Variants in TRAPPC9 observed in about 807,000 individuals in gnomAD.
TRAPPC9 encodes the protein trafficking protein particle complex subunit 9.
TRAPPC9 carries 83 observed loss-of-function variants against 124.0 expected under a neutral mutation model. That is an observed-to-expected ratio of 0.67 (90% CI 0.56 to 0.80). The LOEUF is 0.80. TRAPPC9 is among the 30% of genes least tolerant of loss of function. TRAPPC9 has a pLI of 0.00. For missense variants in TRAPPC9, 1,302 were observed against 1,508.3 expected, an observed-to-expected ratio of 0.86 and a Z score of 2.27; for synonymous variants, 638 against 617.5, an observed-to-expected ratio of 1.03 and a Z score of -0.49.
intron 21 of TRAPPC9, among the ~76,000 whole-genome samples, chr8:139,736,895 C>A (rs955778897): frequency 2.0e-5 from 3 of 152,202 alleles, no homozygotes; most frequent in Non-Finnish European, 2.9e-5. Context: ...CCACTCTCCA[C>A]AGCCACCCTG....
chr8:139,875,491 A>G (rs1397043540), intron 21 of TRAPPC9, among the ~76,000 whole-genome samples: 1 of 152,156 alleles, frequency 6.6e-6, no homozygotes, highest in Non-Finnish European at 1.5e-5. Flanking sequence ...TCCCCCTTCA[A>G]AAAGAAGGTA....
intron 17 of TRAPPC9, among the ~76,000 whole-genome samples, chr8:140,114,332 G>GAAGA (rs2060838111): frequency 8.5e-6 from 1 of 117,052 alleles, no homozygotes. Flanking sequence ...AAGGACTGAA[G>GAAGA]AAAAAAAAAA....
In TRAPPC9 at chr8:139,746,868, A is replaced by T. The variant is rs77775538; in HGVS notation, c.3056-14666T>A. On this transcript the variant is annotated intron_variant, in intron 21 of 22. Coordinates refer to ENST00000438773, the MANE Select transcript of TRAPPC9 (RefSeq NM_001160372.4). Reference sequence around the variant, plus strand: ...GGCCTCTAGTCCCTTCTCTCTCAACACAGGCAAGCTGTGTTTTGCACCAGG... The same window carrying T: ...GGCCTCTAGTCCCTTCTCTCTCAACTCAGGCAAGCTGTGTTTTGCACCAGG... Among the ~76,000 whole-genome samples the T allele has an allele frequency of 2.0e-4, 31 of 152,294 alleles. No homozygotes were observed. The East Asian group carries it at 5.8e-3, about 29-fold the overall frequency.
intron 16 of TRAPPC9, among the ~76,000 whole-genome samples, chr8:140,251,588 C>T (rs951833046): frequency 1.3e-5 from 2 of 152,196 alleles, no homozygotes; most frequent in East Asian, 1.9e-4. Flanking sequence ...CTATGGAGGG[C>T]GTCTGTTAGG....
intron 19 of TRAPPC9, among the ~76,000 whole-genome samples, chr8:139,987,545 CAG>C (rs34718647): frequency 0.68 from 101,906 of 150,206 alleles, 37,439 homozygotes; most frequent in South Asian, 0.88. Context: ...ATGAAAGAGG[CAG>C]AGAGAGAGAG....
chr8:139,800,979 A>C (rs1586871897), intron 21 of TRAPPC9, among the ~76,000 whole-genome samples: 2 of 105,356 alleles, frequency 1.9e-5, no homozygotes, highest in African/African-American at 3.9e-5. Context: ...TCCCTCCGGC[A>C]TCTTCCCCCG....
chr8:140,441,005 G>A (rs1227899674), intron 2 of TRAPPC9, among the ~76,000 whole-genome samples: 3 of 111,548 alleles, frequency 2.7e-5, no homozygotes, highest in Non-Finnish European at 5.5e-5. Context: ...TGGAGACAAG[G>A]TCTTATTCTG....
intron 7 of TRAPPC9, among the ~76,000 whole-genome samples, chr8:140,389,722 T>C (rs977901953): frequency 1.3e-5 from 2 of 152,184 alleles, no homozygotes; most frequent in Non-Finnish European, 2.9e-5. Context: ...GAGCTTAGAA[T>C]TTCTAAAAGC....
intron 9 of TRAPPC9, among the ~76,000 whole-genome samples, chr8:140,312,489 A>C (rs2066323176): frequency 6.6e-6 from 1 of 152,184 alleles, no homozygotes; most frequent in East Asian, 1.9e-4. Context: ...TAAATGCGAT[A>C]ATACATTAAA....
intron 17 of TRAPPC9, among the ~76,000 whole-genome samples, chr8:140,108,374 G>A (rs1160914981): frequency 6.6e-6 from 1 of 152,182 alleles, no homozygotes; most frequent in African/African-American, 2.4e-5. Flanking sequence ...CAATTCTGAT[G>A]AGCTAGTTTG....
At chr8:139,772,901 T>G (rs1821080850) in intron 21 of TRAPPC9, among the ~76,000 whole-genome samples, 1 of 151,668 alleles carries the variant, frequency 6.6e-6, no homozygotes, top group South Asian at 2.1e-4. Context: ...GGCCAAGGAG[T>G]GAGGCCTCAG....
chr8:139,850,388 C>T (rs954107784), intron 21 of TRAPPC9, among the ~76,000 whole-genome samples: 3 of 152,196 alleles, frequency 2.0e-5, no homozygotes, highest in African/African-American at 7.2e-5. Flanking sequence ...TTCCAGATAG[C>T]CCAAAGCACC....
chr8:139,956,736 C>T (rs903303413), intron 19 of TRAPPC9, among the ~76,000 whole-genome samples: 9 of 152,182 alleles, frequency 5.9e-5, no homozygotes, highest in South Asian at 2.1e-4. Context: ...ATCCCGGCTC[C>T]GCGTAGACTC....
chr8:139,819,152 A>C (rs1330322033), intron 21 of TRAPPC9, among the ~76,000 whole-genome samples: 1 of 151,896 alleles, frequency 6.6e-6, no homozygotes, highest in African/African-American at 2.4e-5. Flanking sequence ...AGAAGCACAA[A>C]CCCTATTATG....
intron 21 of TRAPPC9, among the ~76,000 whole-genome samples, chr8:139,812,537 C>A (rs904054042): frequency 2.0e-5 from 3 of 152,192 alleles, no homozygotes; most frequent in African/African-American, 7.2e-5. Context: ...ATGGGGCAGG[C>A]AGGAGTAAGG....
intron 17 of TRAPPC9, among the ~76,000 whole-genome samples, chr8:140,113,601 C>A (rs922003925): frequency 2.0e-5 from 3 of 152,164 alleles, no homozygotes; most frequent in Non-Finnish European, 4.4e-5. Flanking sequence ...AGGGAGGAGA[C>A]GCCAGGCAGA....
At chr8:139,757,094 T>A (rs1257464878) in intron 21 of TRAPPC9, among the ~76,000 whole-genome samples, 64 of 90,176 alleles carry the variant, frequency 7.1e-4, no homozygotes, top group African/African-American at 2.1e-3. Flanking sequence ...GGAGCCAGGG[T>A]TTGGGGATGA....
At chr8:140,335,360 A>AG (rs2067007490) in intron 9 of TRAPPC9, among the ~76,000 whole-genome samples, 1 of 152,158 alleles carries the variant, frequency 6.6e-6, no homozygotes, top group Non-Finnish European at 1.5e-5. Flanking sequence ...CCCACATGAG[A>AG]GAAACTCAGG....
At chr8:139,895,381 T>TA (rs887092958) in intron 20 of TRAPPC9, among the ~76,000 whole-genome samples, 27 of 151,852 alleles carry the variant, frequency 1.8e-4, no homozygotes, top group Middle Eastern at 6.8e-3. Context: ...ACCTTTTGTG[T>TA]AAAAAAAAAT....
Sources: allele counts gnomAD v4.1 joint callset (sites outside exome capture counted in the v4.1 genomes callset), GRCh38; gene constraint gnomAD v4.1.1; transcripts MANE v1.5; gene names NCBI Gene and HGNC (gene_info 2026-07-23, HGNC 2026-07-21).